The following ELP4 variants were observed in gnomAD, a reference collection of about 807,000 sequenced individuals.
ELP4 encodes the protein elongator acetyltransferase complex subunit 4.
ELP4 carries 51 observed loss-of-function variants against 48.9 expected under a neutral mutation model. The observed-to-expected ratio is 1.04, with a 90% CI of 0.83 to 1.32. ELP4 has a LOEUF of 1.32. Among genes scored for constraint, ELP4 ranks in the 40% most tolerant of loss-of-function variants. The probability of loss-of-function intolerance (pLI) is 0.00; values close to 1 mark genes in which losing one functional copy is unlikely to be tolerated. For missense variants in ELP4, 519 were observed against 514.6 expected (o/e 1.01, Z -0.08); for synonymous variants, 210 against 189.2 (o/e 1.11, Z -0.90).
chr11:31,662,384 G>A (rs1305160712), intron 9 of ELP4: 7 of 391,490 alleles, frequency 1.8e-5, no homozygotes, highest in Admixed American at 1.3e-4. Flanking sequence ...AAGCAACTAT[G>A]CCCCTGTTGC....
chr11:31,712,137 C>G (rs1946754014), intron 9 of ELP4, among the ~76,000 whole-genome samples: 1 of 151,902 alleles, frequency 6.6e-6, no homozygotes, highest in African/African-American at 2.4e-5. Flanking sequence ...TATAACATTA[C>G]AAATTAGAAT....
chr11:31,623,387 ATAT>A (rs369667045), intron 5 of ELP4, among the ~76,000 whole-genome samples: 1,259 of 88,628 alleles, frequency 0.014, 86 homozygotes, highest in South Asian at 0.039. Context: ...ATATATATAT[ATAT>A]AAAACTAGAA....
intron 9 of ELP4, among the ~76,000 whole-genome samples, chr11:31,768,388 A>G (rs916019695): frequency 1.3e-5 from 2 of 152,206 alleles, no homozygotes; most frequent in African/African-American, 2.4e-5. Context: ...TCACTGCTGT[A>G]ATTGATACTT....
At chr11:31,764,207 A>C (rs1425979692) in intron 9 of ELP4, among the ~76,000 whole-genome samples, 1 of 152,160 alleles carries the variant, frequency 6.6e-6, no homozygotes. Flanking sequence ...AACACAATTA[A>C]AGGCTGGTTA....
intron 9 of ELP4, 59 bp from the exon 10 acceptor site, chr11:31,783,334 A>G: frequency 6.5e-7 from 1 of 1,546,798 alleles, no homozygotes; most frequent in Non-Finnish European, 8.9e-7. Context: ...TAGCCAAAGC[A>G]AAATTAATTT....
chr11:31,510,549 C>T (rs903153380), intron 1 of ELP4: 2 of 399,800 alleles, frequency 5.0e-6, no homozygotes, highest in Non-Finnish European at 8.8e-6. Context: ...TATGTTGACA[C>T]ATAATCCTTA....
rs1592067659 is a variant in ELP4, at chr11:31,510,148, G to A, written c.223+141G>A. On this transcript the variant is annotated intron_variant, in intron 1 of 9. Coordinates refer to ENST00000640961, the MANE Select transcript of ELP4 (RefSeq NM_019040.5). ...GAGAATAGCCTGGTCTGATTGAGAT[G>A]GAGGGGAATACGGGTTGTGTGGAGA... The A allele has an allele frequency of 1.6e-5, 12 of 754,276 alleles. No individual in the cohort carries two copies. In the East Asian group the frequency reaches 3.3e-4, roughly 20 times the overall value. 46.7% of individuals were successfully genotyped at this position (754,276 alleles called of 1,614,324 possible).
At position 31,787,325 on chromosome 11, in the gene ELP4, GC is replaced by G. The variant is rs529299099; in HGVS notation, c.*3802del. 1.7e-4 allele frequency: 39 copies of G among 233,444 alleles called. No individual in the cohort carries two copies. The highest frequency in any genetic ancestry group is 6.8e-4 in the African/African-American group (31 of 45,472). 14.5% of individuals were successfully genotyped at this position (233,444 alleles called of 1,614,324 possible). A position where few individuals can be genotyped will look rare whatever the true frequency, so the allele number is the denominator to read the frequency against. On this transcript the variant is annotated 3_prime_UTR_variant, in exon 10 of 10. Coordinates refer to ENST00000640961, the MANE Select transcript of ELP4 (RefSeq NM_019040.5). Reference sequence around the variant, plus strand: ...CCAAGTGCACACATACAGACCCTCCGCTCCCACGTCACTCCTTTTCTCCCAT... The same window carrying G: ...CCAAGTGCACACATACAGACCCTCCGTCCCACGTCACTCCTTTTCTCCCAT...
intron 3 of ELP4, among the ~76,000 whole-genome samples, chr11:31,579,657 C>T (rs1957352137): frequency 6.6e-6 from 1 of 151,856 alleles, no homozygotes; most frequent in South Asian, 2.1e-4. Flanking sequence ...AAGCTGGAAA[C>T]CATCATTCTG....
chr11:31,642,464 AG>A (rs1221743241), intron 7 of ELP4, among the ~76,000 whole-genome samples: 1 of 151,846 alleles, frequency 6.6e-6, no homozygotes, highest in Non-Finnish European at 1.5e-5. Context: ...ATATCTTAGC[AG>A]TTTTTTTCAC....
rs768010070 is a variant in ELP4 at position 31,650,172 on chromosome 11, A to G, written c.1094A>G (p.Asp365Gly). 1.3e-6 allele frequency: 2 copies of G among 1,533,194 alleles called. No individual in the cohort carries two copies. The highest frequency in any genetic ancestry group is 1.4e-5 in the African/African-American group (1 of 73,166). 95.0% of individuals were successfully genotyped at this position (1,533,194 alleles called of 1,614,324 possible). The change falls in exon 9 of 10, where the codon GAT becomes GGT. Residue 365 changes from aspartate to glycine, a missense_variant. By Grantham distance (94) the Asp-to-Gly change is moderately conservative (BLOSUM62 -1). Coordinates refer to ENST00000640961, the MANE Select transcript of ELP4 (RefSeq NM_019040.5). The part of the protein sequence containing the change: ...RLNNLICDES[D>G]VKDLAFKLKR... Reference sequence around the variant, plus strand: ...AATAACTTGATCTGTGATGAATCAGATGTCAAAGACTTAGCTTTTAAATTA... The same window carrying G: ...AATAACTTGATCTGTGATGAATCAGGTGTCAAAGACTTAGCTTTTAAATTA...
Position 31,788,838 on chromosome 11 carries a change from A to T in ELP4, c.*5314A>T, listed in dbSNP as rs1948928182. ...TAAGGATCATCAGGATGTAAAACAG[A>T]GTGTGTGTGAAAGTAACCATTGGTT... On this transcript the variant is annotated 3_prime_UTR_variant, in exon 10 of 10. Coordinates refer to ENST00000640961, the MANE Select transcript of ELP4 (RefSeq NM_019040.5). 9.8e-6 allele frequency: 2 copies of T among 204,720 alleles called. No individual in the cohort carries two copies. The highest frequency in any genetic ancestry group is 4.6e-5 in the African/African-American group (2 of 43,814). The allele number at this position is 204,720 out of a possible 1,614,324, so 12.7% of individuals were successfully genotyped here.
chr11:31,734,055 G>A (rs1297385365), intron 9 of ELP4, among the ~76,000 whole-genome samples: 1 of 152,132 alleles, frequency 6.6e-6, no homozygotes, highest in African/African-American at 2.4e-5. Context: ...TGCAAGGATG[G>A]CTCAACATAA....
chr11:31,553,630 C>T (rs1019898581), intron 3 of ELP4, among the ~76,000 whole-genome samples: 4 of 151,932 alleles, frequency 2.6e-5, no homozygotes, highest in African/African-American at 7.3e-5. Flanking sequence ...TGTCCGAGGT[C>T]TCCAGCCTGC....
chr11:31,528,726 T>C (rs908976199), intron 2 of ELP4, among the ~76,000 whole-genome samples: 1 of 152,050 alleles, frequency 6.6e-6, no homozygotes, highest in African/African-American at 2.4e-5. Context: ...TTAAGTGAAG[T>C]TAGAAAAGGA....
chr11:31,529,525 G>A (rs1956358439), intron 2 of ELP4, among the ~76,000 whole-genome samples: 1 of 152,182 alleles, frequency 6.6e-6, no homozygotes, highest in Non-Finnish European at 1.5e-5. Context: ...TCAAGAAGCA[G>A]AACTTGACAT....
At chr11:31,778,330 A>G (rs541085911) in intron 9 of ELP4, among the ~76,000 whole-genome samples, 3 of 152,246 alleles carry the variant, frequency 2.0e-5, no homozygotes, top group African/African-American at 7.2e-5. Flanking sequence ...ACTTTGCTTT[A>G]TATGTCTGTA....
At chr11:31,770,423 G>A (rs571237365) in intron 9 of ELP4, among the ~76,000 whole-genome samples, 1 of 152,062 alleles carries the variant, frequency 6.6e-6, no homozygotes, top group Non-Finnish European at 1.5e-5. Context: ...AGAGGGGGCT[G>A]GTCAGGGAGA....
At chr11:31,721,645 G>T (rs1946961318) in intron 9 of ELP4, among the ~76,000 whole-genome samples, 1 of 151,814 alleles carries the variant, frequency 6.6e-6, no homozygotes, top group African/African-American at 2.4e-5. Flanking sequence ...GGAATTTTGG[G>T]GGTAGCAGAT....
Sources: gnomAD v4.1 joint callset for allele counts (sites outside exome capture counted in the v4.1 genomes callset) on GRCh38, gnomAD v4.1.1 for gene constraint, MANE v1.5 for transcripts, NCBI Gene and HGNC (gene_info 2026-07-23, HGNC 2026-07-21) for gene names.